The following SLC4A1AP variants were observed in gnomAD, a reference collection of about 807,000 sequenced individuals.
SLC4A1AP encodes kanadaptin.
In SLC4A1AP, 64 loss-of-function variants were observed where a neutral mutation model predicts 89.7. That is an observed-to-expected ratio of 0.71 (90% CI 0.58 to 0.88). The LOEUF is 0.88. SLC4A1AP is among the 40% of genes least tolerant of loss of function. The probability of loss-of-function intolerance (pLI) is 0.00; values close to 1 mark genes in which losing one functional copy is unlikely to be tolerated. For missense variants in SLC4A1AP, 931 were observed against 965.0 expected (o/e 0.96, Z 0.47); for synonymous variants, 366 against 353.3 (o/e 1.04, Z -0.40).
intron 12 of SLC4A1AP, chr2:27,693,303 G>A (rs925329836): frequency 1.2e-5 from 2 of 167,544 alleles, no homozygotes; most frequent in African/African-American, 4.8e-5. Flanking sequence ...GAGATGTGAG[G>A]TACTGTTACA....
intron 5 of SLC4A1AP, among the ~76,000 whole-genome samples, chr2:27,673,573 C>T (rs1675466751): frequency 6.6e-6 from 1 of 151,828 alleles, no homozygotes; most frequent in Non-Finnish European, 1.5e-5. Context: ...AAGCGATCCT[C>T]CCGCCTCAGC....
intron 12 of SLC4A1AP, among the ~76,000 whole-genome samples, chr2:27,689,731 GT>G (rs1675757776): frequency 6.6e-6 from 1 of 152,216 alleles, no homozygotes; most frequent in South Asian, 2.1e-4. Context: ...TGTACAAACA[GT>G]TTAGGCACAA....
At chr2:27,671,715 G>C (rs954118238) in intron 5 of SLC4A1AP, among the ~76,000 whole-genome samples, 1 of 152,094 alleles carries the variant, frequency 6.6e-6, no homozygotes, top group East Asian at 1.9e-4. Flanking sequence ...TTGCACAGTA[G>C]TACATCCTTC....
chr2:27,674,654 A>C (rs1026177174), intron 5 of SLC4A1AP, among the ~76,000 whole-genome samples: 1 of 148,806 alleles, frequency 6.7e-6, no homozygotes, highest in Admixed American at 6.7e-5. Context: ...TCCTTTTTCA[A>C]ATTTTCTTTT....
At chr2:27,680,493 T>C (rs1450704569) in intron 8 of SLC4A1AP, among the ~76,000 whole-genome samples, 1 of 152,020 alleles carries the variant, frequency 6.6e-6, no homozygotes, top group Non-Finnish European at 1.5e-5. Flanking sequence ...AAACTATTTG[T>C]TAATAAAAGT....
At chr2:27,664,070 T>C (rs1170007038) in exon 1 of SLC4A1AP, 1 of 1,614,200 alleles carries the variant, frequency 6.2e-7, no homozygotes, top group Non-Finnish European at 8.5e-7. Context: ...AAGGGCCCAC[T>C]GCGTTGCAGG....
chr2:27,671,212 C>T lies in SLC4A1AP; in HGVS notation c.1345+1825C>T, dbSNP rs148004622. Among the ~76,000 whole-genome samples, 195 of 152,108 alleles carry T rather than the reference C, an allele frequency of 1.3e-3. 2 individuals are homozygous for T. Among genetic ancestry groups the T allele is most frequent in the African/African-American group, 4.6e-3 (189 of 41,504 alleles). On this transcript the variant is annotated intron_variant, in intron 5 of 13. Transcript: ENST00000613058. ...CTGGGATTACAGGCGTGAGCCACTGCGCCCAGCCTAAAAACACCTGTATTT... is the reference window on the plus strand; with the variant it reads ...CTGGGATTACAGGCGTGAGCCACTGTGCCCAGCCTAAAAACACCTGTATTT...
chr2:27,678,378 A>T (rs1675558558), intron 8 of SLC4A1AP, among the ~76,000 whole-genome samples: 1 of 152,032 alleles, frequency 6.6e-6, no homozygotes, highest in Non-Finnish European at 1.5e-5. Context: ...ACAAAAAATA[A>T]AAACATCAGC....
intron 10 of SLC4A1AP, among the ~76,000 whole-genome samples, chr2:27,686,711 T>C (rs1367769162): frequency 6.6e-6 from 1 of 152,168 alleles, no homozygotes; most frequent in Non-Finnish European, 1.5e-5. Context: ...GAGACAGAAG[T>C]TGCAGTGAAT....
At chr2:27,685,104 A>T in exon 10 of SLC4A1AP, 2 of 1,613,894 alleles carry the variant, frequency 1.2e-6, no homozygotes, top group South Asian at 2.2e-5. Context: ...CCTGAAGTAG[A>T]AGAGGAGGAG....
chr2:27,665,006 G>A (rs1473603162), intron 1 of SLC4A1AP, 94 bp from the exon 2 acceptor site: 2 of 929,934 alleles, frequency 2.2e-6, no homozygotes. Context: ...GCAGTGAGGT[G>A]TATTACAGCC....
chr2:27,664,469 C>T, exon 1 of SLC4A1AP: 1 of 1,614,184 alleles, frequency 6.2e-7, no homozygotes, highest in Middle Eastern at 1.6e-4. Context: ...TGGGAAGCAC[C>T]CATGGCACTT....
At chr2:27,671,455 C>T (rs1251272989) in intron 5 of SLC4A1AP, among the ~76,000 whole-genome samples, 1 of 152,192 alleles carries the variant, frequency 6.6e-6, no homozygotes, top group African/African-American at 2.4e-5. Context: ...ATTCCTCCCA[C>T]ACCTTTCAGT....
chr2:27,688,602 T>C (rs1357556284), intron 11 of SLC4A1AP, 98 bp from the exon 12 acceptor site: 1 of 778,164 alleles, frequency 1.3e-6, no homozygotes, highest in Non-Finnish European at 2.1e-6. Context: ...ATGAGCATCT[T>C]TTCTTCAATA....
chr2:27,672,061 G>A (rs979471548), intron 5 of SLC4A1AP, among the ~76,000 whole-genome samples: 12 of 151,800 alleles, frequency 7.9e-5, no homozygotes, highest in African/African-American at 1.9e-4. Context: ...TTTTTTTTCC[G>A]CCTTGCCAGA....
intron 5 of SLC4A1AP, among the ~76,000 whole-genome samples, chr2:27,672,569 A>G (rs930964735): frequency 4.0e-5 from 6 of 151,800 alleles, no homozygotes; most frequent in South Asian, 2.1e-4. Context: ...TGTTTTCTCC[A>G]TGTTATTTTT....
intron 8 of SLC4A1AP, among the ~76,000 whole-genome samples, chr2:27,679,399 G>A (rs1234137693): frequency 6.6e-6 from 1 of 152,086 alleles, no homozygotes; most frequent in African/African-American, 2.4e-5. Context: ...TCAGGAGATC[G>A]AGACCATCCT....
intron 9 of SLC4A1AP, 147 bp from the exon 10 acceptor site, chr2:27,684,890 A>C: frequency 3.5e-6 from 3 of 859,174 alleles, no homozygotes; most frequent in Non-Finnish European, 5.2e-6. Context: ...ATTTCATGTC[A>C]AAGTCCCACC....
chr2:27,664,719 C>T (rs1473759984), intron 1 of SLC4A1AP, 142 bp downstream of exon 1: 9 of 662,100 alleles, frequency 1.4e-5, no homozygotes, highest in South Asian at 3.9e-5. Context: ...CATCTTCAGA[C>T]GGCTGTACAC....
Sources: gnomAD v4.1 joint callset for allele counts (sites outside exome capture counted in the v4.1 genomes callset) on GRCh38, gnomAD v4.1.1 for gene constraint, MANE v1.5 for transcripts, NCBI Gene and HGNC (gene_info 2026-07-23, HGNC 2026-07-21) for gene names.